PCDH9: variants seen among roughly 807,000 people sequenced by gnomAD.
The protein encoded by PCDH9 is protocadherin 9, also known as protocadherin-9.
A neutral mutation model predicts 70.6 loss-of-function variants in PCDH9; 24 were observed. The ratio of observed to expected loss-of-function variants is 0.34; its 90% CI spans 0.25 to 0.48. The LOEUF (loss-of-function observed/expected upper bound fraction) is 0.48, where lower values mean the gene tolerates loss of function less well. Ranked by LOEUF, PCDH9 falls within the 20% of genes least tolerant of loss-of-function variation. The pLI is 0.99. For missense variants in PCDH9, 1,281 were observed against 1,503.6 expected (o/e 0.85, Z 2.45); for synonymous variants, 562 against 558.5 (o/e 1.01, Z -0.09).
chr13:66,936,170 T>C (rs984538980), intron 2 of PCDH9, among the ~76,000 whole-genome samples: 4 of 152,236 alleles, frequency 2.6e-5, no homozygotes, highest in African/African-American at 9.6e-5. Context: ...ACCAGGTTTC[T>C]CTTAAATATC....
intron 3 of PCDH9, among the ~76,000 whole-genome samples, chr13:66,851,423 T>A (rs1046451190): frequency 6.6e-6 from 1 of 152,180 alleles, no homozygotes; most frequent in African/African-American, 2.4e-5. Context: ...CAGTGATTTT[T>A]AAAAGTAAAA....
intron 4 of PCDH9, among the ~76,000 whole-genome samples, chr13:66,564,236 G>A (rs2076618533): frequency 6.6e-6 from 1 of 151,988 alleles, no homozygotes. Context: ...ATGATCACAG[G>A]TCACTGCAGC....
At chr13:66,357,504 T>G (rs527430943) in intron 4 of PCDH9, among the ~76,000 whole-genome samples, 12 of 152,156 alleles carry the variant, frequency 7.9e-5, no homozygotes, top group African/African-American at 2.6e-4. Flanking sequence ...AATTTTTTTT[T>G]GTCATTCGAA....
intron 3 of PCDH9, among the ~76,000 whole-genome samples, chr13:66,879,623 T>A (rs1430835950): frequency 6.6e-6 from 1 of 151,996 alleles, no homozygotes; most frequent in African/African-American, 2.4e-5. Context: ...AGCACAAATA[T>A]GAAAGAAGTA....
chr13:66,401,563 G>A (rs1438684965), intron 4 of PCDH9, among the ~76,000 whole-genome samples: 3 of 152,012 alleles, frequency 2.0e-5, no homozygotes, highest in Non-Finnish European at 4.4e-5. Context: ...TATGGTGGGG[G>A]AGAAATGCAT....
chr13:66,497,161 C>T (rs1291388170), intron 4 of PCDH9, among the ~76,000 whole-genome samples: 2 of 151,888 alleles, frequency 1.3e-5, no homozygotes, highest in African/African-American at 2.4e-5. Context: ...TCCTCTCCCC[C>T]TGCTCAGGTG....
At chr13:67,139,567 G>A (rs2087321281) in intron 2 of PCDH9, among the ~76,000 whole-genome samples, 1 of 152,168 alleles carries the variant, frequency 6.6e-6, no homozygotes. Flanking sequence ...ATGCACTATT[G>A]TAAGATTTCG....
rs151287657 is a variant in PCDH9 at position 66,809,021 on chromosome 13, C to A, written c.3138+94483G>T. Among the ~76,000 whole-genome samples the A allele has an allele frequency of 2.5e-3, 378 of 152,280 alleles. 3 individuals carry two copies. Among genetic ancestry groups the A allele is most frequent in the African/African-American group, 9.0e-3 (373 of 41,560 alleles). On this transcript the variant is annotated intron_variant, in intron 3 of 4. Coordinates refer to ENST00000377865, the MANE Select transcript of PCDH9 (RefSeq NM_203487.3). The stretch of plus-strand genomic sequence containing the variant: ...GGAGTGCGGTGGCGCTATCTCGGCT[C>A]ACTGCAAGCTCCGCCTCCCAGGTTC...
chr13:66,696,287 A>G (rs1010554669), intron 3 of PCDH9, among the ~76,000 whole-genome samples: 2 of 152,214 alleles, frequency 1.3e-5, no homozygotes, highest in Non-Finnish European at 1.5e-5. Context: ...AACTTCATTT[A>G]TGTTACACCA....
chr13:66,483,076 GA>G (rs1177436781), intron 4 of PCDH9, among the ~76,000 whole-genome samples: 1 of 152,072 alleles, frequency 6.6e-6, no homozygotes, highest in Non-Finnish European at 1.5e-5. Context: ...ATTGATGCTA[GA>G]AAAAAATATT....
chr13:66,412,088 C>A (rs1472121432), intron 4 of PCDH9, among the ~76,000 whole-genome samples: 1 of 152,142 alleles, frequency 6.6e-6, no homozygotes, highest in Non-Finnish European at 1.5e-5. Context: ...ACTGTCAAAC[C>A]TAGCTTGAAA....
intron 2 of PCDH9, chr13:67,222,764 A>T (rs1273523644): frequency 6.6e-6 from 1 of 152,138 alleles, no homozygotes; most frequent in Non-Finnish European, 1.5e-5. Context: ...GTGTAGCTTC[A>T]GGAGCACATT....
At chr13:66,988,946 TG>T (rs2083947103) in intron 2 of PCDH9, among the ~76,000 whole-genome samples, 1 of 151,920 alleles carries the variant, frequency 6.6e-6, no homozygotes, top group Non-Finnish European at 1.5e-5. Flanking sequence ...ATGAAGGAGA[TG>T]TAATTTCTTT....
At chr13:66,779,400 G>C (rs1488061483) in intron 3 of PCDH9, among the ~76,000 whole-genome samples, 1 of 152,094 alleles carries the variant, frequency 6.6e-6, no homozygotes, top group Non-Finnish European at 1.5e-5. Context: ...ATCTTATTCA[G>C]ACCTAATAAA....
chr13:66,772,390 C>A (rs961625845), intron 3 of PCDH9, among the ~76,000 whole-genome samples: 11 of 152,130 alleles, frequency 7.2e-5, no homozygotes, highest in Admixed American at 7.2e-4. Flanking sequence ...TGCAAGTGTT[C>A]AATTTCTAGC....
chr13:66,498,265 C>T (rs1959149330), intron 4 of PCDH9, among the ~76,000 whole-genome samples: 1 of 151,432 alleles, frequency 6.6e-6, no homozygotes, highest in South Asian at 2.1e-4. Flanking sequence ...CTGCCTCAGC[C>T]TCCCCAGTAG....
intron 2 of PCDH9, among the ~76,000 whole-genome samples, chr13:67,077,899 G>T (rs1158623783): frequency 1.3e-5 from 2 of 151,950 alleles, no homozygotes; most frequent in Non-Finnish European, 2.9e-5. Context: ...AGTCCTAAAT[G>T]ATAATTCTTT....
chr13:67,051,068 A>G (rs1351119325), intron 2 of PCDH9, among the ~76,000 whole-genome samples: 1 of 152,206 alleles, frequency 6.6e-6, no homozygotes, highest in Non-Finnish European at 1.5e-5. Flanking sequence ...ATGATGACGC[A>G]GTAGCACAAG....
intron 4 of PCDH9, among the ~76,000 whole-genome samples, chr13:66,617,131 T>C (rs1240633928): frequency 2.0e-5 from 3 of 152,132 alleles, no homozygotes; most frequent in South Asian, 2.1e-4. Flanking sequence ...GAAGGAGATA[T>C]AGGTGAGAGC....
Sources: allele counts gnomAD v4.1 joint callset (sites outside exome capture counted in the v4.1 genomes callset), GRCh38; gene constraint gnomAD v4.1.1; transcripts MANE v1.5; gene names NCBI Gene and HGNC (gene_info 2026-07-23, HGNC 2026-07-21).